Variants in PHLPP1 observed in about 807,000 individuals in gnomAD.
The protein encoded by PHLPP1 is PH domain and leucine rich repeat protein phosphatase 1, also known as PH domain leucine-rich repeat-containing protein phosphatase 1.
A neutral mutation model predicts 117.2 loss-of-function variants in PHLPP1; 42 were observed. The ratio of observed to expected loss-of-function variants is 0.36; its 90% CI spans 0.28 to 0.46. The LOEUF is 0.46. Among genes scored for constraint, PHLPP1 ranks in the 20% least tolerant of loss-of-function variants. The pLI, the probability that PHLPP1 is intolerant of heterozygous loss-of-function variation, is 1.00. For synonymous variants in PHLPP1, 1,042 were observed against 970.7 expected (o/e 1.07, Z -1.37); for missense variants, 2,084 against 2,241.9 (o/e 0.93, Z 1.42).
chr18:62,934,651 C>T (rs1909916841), intron 10 of PHLPP1, among the ~76,000 whole-genome samples: 1 of 152,072 alleles, frequency 6.6e-6, no homozygotes, highest in East Asian at 1.9e-4. Context: ...TGCCTAAATG[C>T]CAGCATTACA....
In PHLPP1 at chr18:62,903,970, T is replaced by C. The variant is rs765973951; in HGVS notation, c.2647+804T>C. Among the ~76,000 whole-genome samples the C allele has an allele frequency of 3.4e-4, 51 of 152,120 alleles. 1 individual carries two copies. Among genetic ancestry groups the C allele is most frequent in the Admixed American group, 9.8e-4 (15 of 15,264 alleles). The stretch of plus-strand genomic sequence containing the variant: ...AGATGAAGGTTTCCATTCCCTACAG[T>C]CAGTAAACTGAATGAAAACAAGTGT... On this transcript the variant is annotated intron_variant, in intron 7 of 16. Transcript: ENST00000262719.
chr18:62,748,351 C>T (rs1911741543), intron 1 of PHLPP1, among the ~76,000 whole-genome samples: 2 of 151,212 alleles, frequency 1.3e-5, no homozygotes, highest in African/African-American at 2.4e-5. Flanking sequence ...CTCAAGTGAT[C>T]CTCCCACCTC....
At chr18:62,743,140 A>G (rs1449363156) in intron 1 of PHLPP1, among the ~76,000 whole-genome samples, 1 of 152,092 alleles carries the variant, frequency 6.6e-6, no homozygotes, top group East Asian at 1.9e-4. Flanking sequence ...ATTATTTTTA[A>G]ATTAAGGGGC....
In PHLPP1 at chr18:62,757,620, CT is replaced by C. The variant is rs1299822938; in HGVS notation, c.1576+40362del. 2.0e-5 allele frequency among the ~76,000 whole-genome samples: 3 copies of C among 152,246 alleles called. No individual in the cohort carries two copies. The East Asian group carries it at 5.8e-4, about 29-fold the overall frequency. The stretch of plus-strand genomic sequence containing the variant: ...CTGGCAGTGTGCTGGTAGAGGTAGA[CT>C]CTGTCTATTATAGCTTAAATATAAA... On this transcript the variant is annotated intron_variant, in intron 1 of 16. Transcript: ENST00000262719.
At chr18:62,975,716 C>A in intron 16 of PHLPP1, 91 bp downstream of exon 16, 1 of 795,472 alleles carries the variant, frequency 1.3e-6, no homozygotes, top group Non-Finnish European at 2.1e-6. Context: ...CATTTGCCTT[C>A]AAAGAACACT....
At position 62,716,562 on chromosome 18, in the gene PHLPP1, G is replaced by T; in HGVS notation, c.879G>T (p.Gly293=). Residue 293 remains glycine, a synonymous_variant, in exon 1 of 17, where the codon GGG becomes GGT. Transcript: ENST00000262719. This position sits in a 1 kb window ranked among gnomAD's most constrained non-coding sequence, Gnocchi z 5.7. ...PARSAPGAFG[G]PPRAPPADLP... ...GGAGCGCGCCGGGTGCCTTCGGGGGGCCTCCGCGCGCGCCCCCCGCCGACC... is the reference window on the plus strand; with the variant it reads ...GGAGCGCGCCGGGTGCCTTCGGGGGTCCTCCGCGCGCGCCCCCCGCCGACC... 1 of 1,193,830 alleles carries T rather than the reference G, an allele frequency of 8.4e-7. No individual in the cohort carries two copies. The highest frequency in any genetic ancestry group is 1.0e-6 in the Non-Finnish European group (1 of 964,086). The allele number at this position is 1,193,830 out of a possible 1,614,324, so 74.0% of individuals were successfully genotyped here. A position where few individuals can be genotyped will look rare whatever the true frequency, so the allele number is the denominator to read the frequency against.
intron 10 of PHLPP1, among the ~76,000 whole-genome samples, chr18:62,940,389 G>A (rs1351845033): frequency 1.3e-5 from 1 of 75,310 alleles, no homozygotes; most frequent in Non-Finnish European, 2.3e-5. Context: ...TTTTGAGATG[G>A]AATCTCGCTC....
intron 1 of PHLPP1, among the ~76,000 whole-genome samples, chr18:62,723,735 T>C (rs1369350012): frequency 2.6e-5 from 4 of 152,220 alleles, no homozygotes; most frequent in Non-Finnish European, 5.9e-5. Flanking sequence ...GAAACAATTT[T>C]TTCCTTTTAT....
intron 11 of PHLPP1, among the ~76,000 whole-genome samples, chr18:62,943,045 T>C (rs1970744444): frequency 6.6e-6 from 1 of 152,194 alleles, no homozygotes; most frequent in Admixed American, 6.5e-5. Flanking sequence ...CAGCAACCTA[T>C]CTGAAAGAGC....
At chr18:62,728,687 T>C (rs1911145824) in intron 1 of PHLPP1, among the ~76,000 whole-genome samples, 1 of 152,058 alleles carries the variant, frequency 6.6e-6, no homozygotes, top group Non-Finnish European at 1.5e-5. Context: ...TTTTGTATTT[T>C]CAGTAGAGAC....
intron 14 of PHLPP1, among the ~76,000 whole-genome samples, chr18:62,965,802 G>A (rs865961): frequency 0.36 from 49,018 of 135,940 alleles, 8,660 homozygotes; most frequent in East Asian, 0.64. Context: ...AACTTCACCA[G>A]AAAAGAAATG....
intron 13 of PHLPP1, among the ~76,000 whole-genome samples, chr18:62,961,035 G>A (rs1197176566): frequency 2.0e-5 from 3 of 152,156 alleles, no homozygotes; most frequent in African/African-American, 4.8e-5. Context: ...GGTGGCTCAC[G>A]CCTGTAATCC....
At chr18:62,748,907 A>T (rs537762330) in intron 1 of PHLPP1, among the ~76,000 whole-genome samples, 54 of 152,002 alleles carry the variant, frequency 3.6e-4, no homozygotes, top group African/African-American at 1.2e-3. Flanking sequence ...TTTAGTTCTC[A>T]TTTTACTGTC....
chr18:62,741,950 G>C (rs554548007), intron 1 of PHLPP1, among the ~76,000 whole-genome samples: 26 of 151,934 alleles, frequency 1.7e-4, no homozygotes, highest in African/African-American at 5.8e-4. Context: ...GCTAACTTCT[G>C]CCTGACCGAA....
chr18:62,778,865 C>A (rs981669492), intron 1 of PHLPP1, among the ~76,000 whole-genome samples: 1 of 152,188 alleles, frequency 6.6e-6, no homozygotes, highest in Admixed American at 6.5e-5. Context: ...CATATTTGCT[C>A]ATATTATGCT....
intron 2 of PHLPP1, among the ~76,000 whole-genome samples, chr18:62,832,512 C>A (rs758481168): frequency 5.9e-5 from 9 of 152,198 alleles, no homozygotes; most frequent in Non-Finnish European, 1.3e-4. Flanking sequence ...TCATTCAGTA[C>A]TAGAGTCTTG....
intron 1 of PHLPP1, among the ~76,000 whole-genome samples, chr18:62,750,044 C>G (rs747138185): frequency 6.6e-6 from 1 of 151,824 alleles, no homozygotes; most frequent in Non-Finnish European, 1.5e-5. Flanking sequence ...AAAAACAAAA[C>G]AAAACAAAAA....
intron 4 of PHLPP1, among the ~76,000 whole-genome samples, chr18:62,886,048 G>C: frequency 6.6e-6 from 1 of 152,170 alleles, no homozygotes; most frequent in Non-Finnish European, 1.5e-5. Flanking sequence ...AGGAACACTA[G>C]TAGATCACAC....
chr18:62,896,255 T>TTTG (rs1210328563), intron 6 of PHLPP1, among the ~76,000 whole-genome samples: 36 of 152,046 alleles, frequency 2.4e-4, no homozygotes, highest in African/African-American at 7.0e-4. Flanking sequence ...AGAGCTGTTT[T>TTTG]TTGTTGTTGT....
Sources: gnomAD v4.1 joint callset for allele counts (sites outside exome capture counted in the v4.1 genomes callset) on GRCh38, gnomAD v4.1.1 for gene constraint, Gnocchi (gnomAD v3.1) non-coding constraint, MANE v1.5 for transcripts, NCBI Gene and HGNC (gene_info 2026-07-23, HGNC 2026-07-21) for gene names.